AUTS2: variants seen among roughly 807,000 people sequenced by gnomAD.
The protein encoded by AUTS2 is autism susceptibility gene 2 protein.
A neutral mutation model predicts 112.4 loss-of-function variants in AUTS2; 17 were observed. The observed-to-expected ratio is 0.15, with a 90% confidence interval of 0.10 to 0.23. The LOEUF (loss-of-function observed/expected upper bound fraction) is 0.23, where lower values mean the gene tolerates loss of function less well. AUTS2 is among the 10% of genes least tolerant of loss of function. AUTS2 has a pLI of 1.00. For synonymous variants in AUTS2, 751 were observed against 702.7 expected, an observed-to-expected ratio of 1.07 and a Z score of -1.09; for missense variants, 1,510 against 1,701.6, an observed-to-expected ratio of 0.89 and a Z score of 1.98.
At chr7:70,642,507 C>G (rs932182524) in intron 5 of AUTS2, among the ~76,000 whole-genome samples, 3 of 152,052 alleles carry the variant, frequency 2.0e-5, no homozygotes, top group Admixed American at 2.0e-4. Flanking sequence ...TAGAGTTTGC[C>G]TTGAATTTAT....
intron 3 of AUTS2, among the ~76,000 whole-genome samples, chr7:70,125,655 C>G (rs1042729486): frequency 6.6e-6 from 1 of 152,186 alleles, no homozygotes; most frequent in Non-Finnish European, 1.5e-5. Context: ...TTATTCTCAA[C>G]TGTGTCTTCA....
chr7:70,525,090 CTTCAAGGAA>C (rs1232947355), intron 5 of AUTS2, among the ~76,000 whole-genome samples: 2 of 152,176 alleles, frequency 1.3e-5, no homozygotes, highest in East Asian at 3.9e-4. Flanking sequence ...GCTTCCCATT[CTTCAAGGAA>C]TTCCTTCTAT....
chr7:70,689,540 G>A (rs574880247), intron 5 of AUTS2, among the ~76,000 whole-genome samples: 1 of 152,194 alleles, frequency 6.6e-6, no homozygotes, highest in Admixed American at 6.5e-5. Flanking sequence ...ACTTTGGGAG[G>A]CTGAGGCGGG....
chr7:70,607,040 C>T (rs1006897174), intron 5 of AUTS2, among the ~76,000 whole-genome samples: 7 of 152,072 alleles, frequency 4.6e-5, no homozygotes, highest in Non-Finnish European at 7.4e-5. Context: ...TTAGATTTAT[C>T]CTGTGTAACT....
At chr7:70,242,897 A>G (rs1488343321) in intron 4 of AUTS2, among the ~76,000 whole-genome samples, 2 of 152,142 alleles carry the variant, frequency 1.3e-5, no homozygotes, top group South Asian at 2.1e-4. Flanking sequence ...GAGCAAATAT[A>G]TGGAAATTAC....
At chr7:69,669,356 A>ATG (rs963904457) in intron 1 of AUTS2, among the ~76,000 whole-genome samples, 4 of 152,038 alleles carry the variant, frequency 2.6e-5, no homozygotes, top group African/African-American at 4.8e-5. Context: ...TACAATATAT[A>ATG]TGTGTGTGTA....
chr7:70,318,485 C>T (rs1790104182), intron 4 of AUTS2, among the ~76,000 whole-genome samples: 2 of 152,054 alleles, frequency 1.3e-5, no homozygotes, highest in African/African-American at 4.8e-5. Context: ...ACAAACCTAA[C>T]AGTTTTAAAA....
At chr7:70,149,072 T>C (rs912142306) in intron 4 of AUTS2, among the ~76,000 whole-genome samples, 2 of 152,122 alleles carry the variant, frequency 1.3e-5, no homozygotes, top group African/African-American at 2.4e-5. Context: ...AGACTATTCA[T>C]AGGGTGTTCC....
intron 4 of AUTS2, among the ~76,000 whole-genome samples, chr7:70,372,161 A>G (rs1443562195): frequency 6.6e-6 from 1 of 152,198 alleles, no homozygotes; most frequent in Admixed American, 6.5e-5. Flanking sequence ...AGTTTCAGAA[A>G]ATGAAAACTG....
In AUTS2 at chr7:70,657,731, T is replaced by C. The variant is rs576866416; in HGVS notation, c.691-40838T>C. On this transcript the variant is annotated intron_variant, in intron 5 of 18. Coordinates refer to ENST00000342771, the MANE Select transcript of AUTS2 (RefSeq NM_015570.4). ...AGCTGTCATCAGGGCTTTTTTTCCATCCCTGTCATGGCATGGGATCCCAGT... is the reference window on the plus strand; with the variant it reads ...AGCTGTCATCAGGGCTTTTTTTCCACCCCTGTCATGGCATGGGATCCCAGT... Among the ~76,000 whole-genome samples the C allele has an allele frequency of 2.0e-5, 3 of 152,282 alleles. No homozygotes were observed. In the South Asian group the frequency reaches 6.2e-4, roughly 32 times the overall value.
intron 5 of AUTS2, among the ~76,000 whole-genome samples, chr7:70,577,528 G>A (rs1394803387): frequency 6.6e-6 from 1 of 152,164 alleles, no homozygotes; most frequent in African/African-American, 2.4e-5. Context: ...GAATATGTAA[G>A]TGATACATAA....
intron 6 of AUTS2, among the ~76,000 whole-genome samples, chr7:70,708,502 A>G (rs1809858430): frequency 6.6e-6 from 1 of 152,164 alleles, no homozygotes; most frequent in African/African-American, 2.4e-5. Flanking sequence ...TGAATAATAG[A>G]TGACACCCAC....
At chr7:70,692,829 T>C (rs1402803069) in intron 5 of AUTS2, among the ~76,000 whole-genome samples, 1 of 151,230 alleles carries the variant, frequency 6.6e-6, no homozygotes, top group East Asian at 1.9e-4. Context: ...GTGATAGACA[T>C]GCAACTTCAA....
At chr7:69,912,348 G>T (rs916439418) in intron 2 of AUTS2, among the ~76,000 whole-genome samples, 1 of 128,478 alleles carries the variant, frequency 7.8e-6, no homozygotes, top group Non-Finnish European at 1.7e-5. Context: ...AGCTGCATGT[G>T]TGCCCAGGAG....
At chr7:69,869,897 A>G (rs1007943377) in intron 1 of AUTS2, among the ~76,000 whole-genome samples, 1 of 152,182 alleles carries the variant, frequency 6.6e-6, no homozygotes, top group African/African-American at 2.4e-5. Context: ...TCAGAGACTC[A>G]TAGTTTGATG....
At chr7:70,011,781 T>G (rs890729910) in intron 2 of AUTS2, among the ~76,000 whole-genome samples, 2 of 152,176 alleles carry the variant, frequency 1.3e-5, no homozygotes, top group African/African-American at 4.8e-5. Flanking sequence ...CATCTGTGGA[T>G]TCTGAGCTTC....
At chr7:69,629,985 A>T (rs542918277) in intron 1 of AUTS2, among the ~76,000 whole-genome samples, 4 of 152,220 alleles carry the variant, frequency 2.6e-5, no homozygotes, top group Admixed American at 1.3e-4. Context: ...ATTGGGCATA[A>T]TTTATACCCT....
chr7:69,951,004 A>G (rs1797005571), intron 2 of AUTS2, among the ~76,000 whole-genome samples: 1 of 151,886 alleles, frequency 6.6e-6, no homozygotes, highest in Non-Finnish European at 1.5e-5. Flanking sequence ...CTCCCTGCTC[A>G]TGAGGAATGG....
chr7:70,715,077 G>T (rs938401338), intron 6 of AUTS2, among the ~76,000 whole-genome samples: 2 of 152,180 alleles, frequency 1.3e-5, no homozygotes, highest in African/African-American at 4.8e-5. Flanking sequence ...CAGTACAATG[G>T]CACTTTCCCT....
Sources: allele counts gnomAD v4.1 joint callset (sites outside exome capture counted in the v4.1 genomes callset), GRCh38; gene constraint gnomAD v4.1.1; transcripts MANE v1.5; gene names NCBI Gene and HGNC (gene_info 2026-07-23, HGNC 2026-07-21).